Variants in BANP observed in about 807,000 individuals in gnomAD.
BANP encodes the protein BTG3 associated nuclear protein, also known as protein BANP.
Under a neutral mutation model 68.1 loss-of-function variants are expected in BANP, and 11 were observed. The observed-to-expected ratio is 0.16, with a 90% CI of 0.10 to 0.27. The LOEUF (loss-of-function observed/expected upper bound fraction) is 0.27. Among genes scored for constraint, BANP ranks in the 10% least tolerant of loss-of-function variants. The pLI is 1.00. For missense variants in BANP, 504 were observed against 722.7 expected (o/e 0.70, Z 3.47); for synonymous variants, 329 against 303.2 (o/e 1.09, Z -0.88).
rs143754613 is a variant in BANP at position 88,064,170 on chromosome 16, G to T, written c.1312-1097G>T. ...AGAGACGGCAGAGCACGAGGCTGGGGCAGGAGGTGTCGGGGGCTTGAGAGG... is the reference window on the plus strand; with the variant it reads ...AGAGACGGCAGAGCACGAGGCTGGGTCAGGAGGTGTCGGGGGCTTGAGAGG... On this transcript the variant is annotated intron_variant, in intron 11 of 13. Transcript: ENST00000682872. The surrounding 1 kb of genome is among the most constrained non-coding windows in gnomAD (Gnocchi z 4.5). Among the ~76,000 whole-genome samples, 1,914 of 151,778 alleles carry T rather than the reference G, an allele frequency of 0.013. 20 individuals are homozygous for T. The highest frequency in any genetic ancestry group is 0.021 in the South Asian group (99 of 4,778).
chr16:88,016,665 C>CT (rs2074639317), intron 6 of BANP, among the ~76,000 whole-genome samples: 1 of 152,216 alleles, frequency 6.6e-6, no homozygotes, highest in African/African-American at 2.4e-5. Context: ...CAGCTGCGGC[C>CT]TTTAGAGAGC....
intron 11 of BANP, among the ~76,000 whole-genome samples, chr16:88,061,873 C>T (rs969902381): frequency 6.6e-6 from 1 of 152,072 alleles, no homozygotes; most frequent in African/African-American, 2.4e-5. Flanking sequence ...CCATGTTGGT[C>T]AGGCTGGTCT....
In BANP at chr16:88,029,951, C is replaced by T. The variant is rs571379941; in HGVS notation, c.1063+2301C>T. ...GGTGTTTGGGGGACTCCAAGGCAGG[C>T]ATGAGCTCAATGGCTCCTAAGCTCA... On this transcript the variant is annotated intron_variant, in intron 8 of 13. Transcript: ENST00000682872. 2.0e-5 allele frequency among the ~76,000 whole-genome samples: 3 copies of T among 152,350 alleles called. No homozygotes were observed. In the South Asian group the frequency reaches 6.2e-4, roughly 32 times the overall value.
intron 6 of BANP, among the ~76,000 whole-genome samples, chr16:88,012,984 C>T (rs1214855186): frequency 6.6e-6 from 1 of 151,998 alleles, no homozygotes; most frequent in Non-Finnish European, 1.5e-5. Flanking sequence ...TTGAGTAATA[C>T]AGCAAATTAT....
At chr16:87,958,181 G>A (rs1243816812) in intron 1 of BANP, among the ~76,000 whole-genome samples, 4 of 152,092 alleles carry the variant, frequency 2.6e-5, no homozygotes, top group Admixed American at 6.5e-5. Context: ...TTTGTGCCAC[G>A]TTCCCTCATG....
chr16:88,053,827 A>G (rs2084079753), intron 11 of BANP, among the ~76,000 whole-genome samples: 1 of 148,910 alleles, frequency 6.7e-6, no homozygotes, highest in Non-Finnish European at 1.5e-5. Context: ...CATCACCAAC[A>G]CAACCACCTT....
chr16:88,035,490 C>CTGTT (rs2079112520), intron 10 of BANP, 96 bp downstream of exon 10: 7 of 1,224,862 alleles, frequency 5.7e-6, no homozygotes, highest in African/African-American at 3.0e-5. Context: ...AGCAGGGAGC[C>CTGTT]CCCAGGACAG....
At chr16:88,008,413 T>C (rs2152570268) in intron 6 of BANP, among the ~76,000 whole-genome samples, 1 of 152,362 alleles carries the variant, frequency 6.6e-6, no homozygotes, top group East Asian at 1.9e-4. Flanking sequence ...CACATTGCAG[T>C]AACGACAGAC....
chr16:88,018,351 G>T lies in BANP; in HGVS notation c.656-77G>T, dbSNP rs1324798123. The T allele has an allele frequency of 6.6e-7, 1 of 1,519,522 alleles. No homozygotes were observed. Among genetic ancestry groups the T allele is most frequent in the South Asian group, 1.2e-5 (1 of 80,786 alleles). 94.1% of individuals were successfully genotyped at this position (1,519,522 alleles called of 1,614,324 possible). On this transcript the variant is annotated intron_variant, in intron 6 of 13. Transcript: ENST00000682872. The surrounding 1 kb of genome is among the most constrained non-coding windows in gnomAD (Gnocchi z 7.7). ...TGGAGCATCTTTCCCGACTGTGCCT[G>T]AGCAGAGCGCTCTGCTGTCCTGAAT...
In BANP at chr16:88,036,330, G is replaced by GTCCCC. The variant is rs2079349548; in HGVS notation, c.1272+936_1272+937insTCCCC. The stretch of plus-strand genomic sequence containing the variant: ...AGAGACTAGGAAGCCCGGGTGCTGA[G>GTCCCC]GTCAAGGGGACTCATGGAGATGTTG... On this transcript the variant is annotated intron_variant, in intron 10 of 13. Transcript: ENST00000682872. This position sits in a 1 kb window ranked among gnomAD's most constrained non-coding sequence, Gnocchi z 4.2. Among the ~76,000 whole-genome samples, 13 of 152,332 alleles carry GTCCCC rather than the reference G, an allele frequency of 8.5e-5. No homozygotes were observed. In the South Asian group the frequency reaches 2.7e-3, roughly 32 times the overall value.
At chr16:88,031,477 CTACAAAAAAA>C (rs1244946890) in intron 8 of BANP, among the ~76,000 whole-genome samples, 1 of 151,738 alleles carries the variant, frequency 6.6e-6, no homozygotes, top group Non-Finnish European at 1.5e-5. Flanking sequence ...AATCCCTTCT[CTACAAAAAAA>C]TACAAAAAAA....
intron 7 of BANP, among the ~76,000 whole-genome samples, chr16:88,024,271 T>G (rs1294550336): frequency 6.6e-6 from 1 of 152,184 alleles, no homozygotes; most frequent in Non-Finnish European, 1.5e-5. Context: ...AGCTTGCACT[T>G]TAAGGCCGGT....
intron 2 of BANP, among the ~76,000 whole-genome samples, chr16:87,977,164 C>G (rs1381367939): frequency 4.6e-5 from 7 of 152,218 alleles, no homozygotes; most frequent in African/African-American, 1.7e-4. Context: ...CCTGTAATCC[C>G]AGCACCTTGG....
At chr16:87,994,234 C>A (rs2066624218) in intron 4 of BANP, among the ~76,000 whole-genome samples, 1 of 152,248 alleles carries the variant, frequency 6.6e-6, no homozygotes, top group Non-Finnish European at 1.5e-5. Flanking sequence ...GGAGTCAGTC[C>A]TGACGCTGCT....
At chr16:88,019,603 C>G (rs1472846591) in intron 7 of BANP, among the ~76,000 whole-genome samples, 3 of 17,398 alleles carry the variant, frequency 1.7e-4, no homozygotes, top group African/African-American at 1.1e-3. Flanking sequence ...TGCGGGATCT[C>G]AGCGTGCGGG....
intron 1 of BANP, among the ~76,000 whole-genome samples, chr16:87,971,179 G>A (rs546173696): frequency 6.6e-6 from 1 of 152,176 alleles, no homozygotes; most frequent in Non-Finnish European, 1.5e-5. Context: ...TTTGAAAGTT[G>A]TTACATTTGT....
At position 87,981,036 on chromosome 16, in the gene BANP, T is replaced by A; in HGVS notation, c.71T>A (p.Val24Asp). 6.2e-7 allele frequency: 1 copy of A among 1,609,026 alleles called. No individual in the cohort carries two copies. The highest frequency in any genetic ancestry group is 8.5e-7 in the Non-Finnish European group (1 of 1,175,728). Residue 24 changes from valine (V) to aspartate (D), a missense_variant and splice_region_variant, in exon 3 of 14, where the codon GTT becomes GAT. By Grantham distance (152) the Val-to-Asp change is radical. Around this residue, in one of 3 missense-constraint regions of BANP, gnomAD observed 238 missense variants for 278.9 expected, o/e 0.85. Coordinates refer to ENST00000682872, the MANE Select transcript of BANP (RefSeq NM_001386991.1). ...TTTTTTTCTCTGTCACTGATTTCAG[T>A]TGTTTTGGAGAATCATGTAGTGACA... The part of the protein sequence containing the change: ...AVEDLSPDHP[V>D]VLENHVVTDE...
chr16:88,032,757 T>C (rs2078470297), intron 8 of BANP, among the ~76,000 whole-genome samples: 1 of 152,342 alleles, frequency 6.6e-6, no homozygotes. Flanking sequence ...AGACTTTTGC[T>C]CTATTAGTTT....
intron 4 of BANP, among the ~76,000 whole-genome samples, chr16:87,996,537 C>A (rs2067277021): frequency 7.9e-6 from 1 of 126,136 alleles, no homozygotes; most frequent in South Asian, 2.4e-4. Context: ...TGTTGCTGGT[C>A]CCTGGTCCTG....
Sources: allele counts gnomAD v4.1 joint callset (sites outside exome capture counted in the v4.1 genomes callset), GRCh38; gene constraint gnomAD v4.1.1; regional missense constraint gnomAD v4.1.1; non-coding constraint Gnocchi (gnomAD v3.1); transcripts MANE v1.5; gene names NCBI Gene and HGNC (gene_info 2026-07-23, HGNC 2026-07-21).